AUTS2: variants seen among roughly 807,000 people sequenced by gnomAD.
AUTS2 encodes autism susceptibility gene 2 protein.
AUTS2 carries 17 observed loss-of-function variants against 112.4 expected under a neutral mutation model. That is an observed-to-expected ratio of 0.15 (90% CI 0.10 to 0.23). AUTS2 has a LOEUF of 0.23. AUTS2 is among the 10% of genes least tolerant of loss of function. AUTS2 has a pLI of 1.00. For synonymous variants in AUTS2, 751 were observed against 702.7 expected, an observed-to-expected ratio of 1.07 and a Z score of -1.09; for missense variants, 1,510 against 1,701.6, an observed-to-expected ratio of 0.89 and a Z score of 1.98.
rs553286768 is a variant in AUTS2 at position 70,787,898 on chromosome 7, G to A, written c.2531+467G>A. On this transcript the variant is annotated intron_variant, in intron 18 of 18. Coordinates refer to ENST00000342771, the MANE Select transcript of AUTS2 (RefSeq NM_015570.4). ...CCTCATCATATTTTTCTCAAATTTTGTTCAAACTCAAAGCCTGGGGCTCAC... is the reference window on the plus strand; with the variant it reads ...CCTCATCATATTTTTCTCAAATTTTATTCAAACTCAAAGCCTGGGGCTCAC... Among the ~76,000 whole-genome samples the A allele has an allele frequency of 2.1e-4, 32 of 151,896 alleles. 1 individual carries two copies. The highest frequency in any genetic ancestry group is 7.7e-4 in the African/African-American group (32 of 41,418).
chr7:70,042,896 G>T (rs1410281724), intron 2 of AUTS2, among the ~76,000 whole-genome samples: 7 of 151,942 alleles, frequency 4.6e-5, no homozygotes, highest in Non-Finnish European at 1.0e-4. Context: ...CCAGTATTTT[G>T]CTTGGAGACA....
At chr7:69,636,909 G>A (rs1794569329) in intron 1 of AUTS2, among the ~76,000 whole-genome samples, 1 of 152,086 alleles carries the variant, frequency 6.6e-6, no homozygotes, top group Non-Finnish European at 1.5e-5. Context: ...GGGACTACAG[G>A]CGCCTGCCAC....
At chr7:70,576,718 T>C (rs1802185881) in intron 5 of AUTS2, among the ~76,000 whole-genome samples, 1 of 152,230 alleles carries the variant, frequency 6.6e-6, no homozygotes, top group African/African-American at 2.4e-5. Flanking sequence ...GTCCTTTTTC[T>C]CTAGATTGGC....
chr7:70,203,451 CT>C (rs1265643046), intron 4 of AUTS2, among the ~76,000 whole-genome samples: 1 of 149,200 alleles, frequency 6.7e-6, no homozygotes, highest in African/African-American at 2.5e-5. Context: ...GGAAAATAAG[CT>C]TAAAATTTTG....
intron 1 of AUTS2, among the ~76,000 whole-genome samples, chr7:69,819,484 G>C (rs1716503069): frequency 6.6e-6 from 1 of 152,166 alleles, no homozygotes; most frequent in Admixed American, 6.5e-5. Flanking sequence ...TGATGGTGTT[G>C]CTTAATTACT....
chr7:70,067,433 C>T (rs17141176), intron 2 of AUTS2, among the ~76,000 whole-genome samples: 1,760 of 152,276 alleles, frequency 0.012, 13 homozygotes, highest in Non-Finnish European at 0.02. Flanking sequence ...GTGAGACTGT[C>T]ACTTTTATAC....
chr7:69,853,903 C>G (rs556773658), intron 1 of AUTS2, among the ~76,000 whole-genome samples: 1 of 152,144 alleles, frequency 6.6e-6, no homozygotes, highest in African/African-American at 2.4e-5. Flanking sequence ...AAAAAGGATT[C>G]AACATTTAAA....
At chr7:70,039,599 T>G (rs1211848824) in intron 2 of AUTS2, among the ~76,000 whole-genome samples, 1 of 152,166 alleles carries the variant, frequency 6.6e-6, no homozygotes, top group East Asian at 1.9e-4. Flanking sequence ...GATCCCTGCC[T>G]TGGCCTTCCA....
chr7:70,444,373 T>TGTGTGTGTGTGTGAGAGAGAGA (rs372696006), intron 5 of AUTS2, among the ~76,000 whole-genome samples: 3 of 142,440 alleles, frequency 2.1e-5, no homozygotes, highest in Admixed American at 2.1e-4. Flanking sequence ...TGTGTGTGTG[T>TGTGTGTGTGTGTGAGAGAGAGA]GAGAGAGAGA....
At chr7:70,080,805 A>G (rs898813571) in intron 2 of AUTS2, among the ~76,000 whole-genome samples, 1 of 152,218 alleles carries the variant, frequency 6.6e-6, no homozygotes, top group Admixed American at 6.5e-5. Flanking sequence ...TGGAATATGA[A>G]GTCAGGATTT....
intron 2 of AUTS2, among the ~76,000 whole-genome samples, chr7:69,920,077 C>T (rs949939421): frequency 2.0e-4 from 1 of 4,936 alleles, no homozygotes; most frequent in Non-Finnish European, 3.8e-4. Context: ...TTGGGGTGGG[C>T]GGGGGTGGGC....
At chr7:70,313,129 T>G (rs1010358315) in intron 4 of AUTS2, among the ~76,000 whole-genome samples, 1 of 152,156 alleles carries the variant, frequency 6.6e-6, no homozygotes, top group Non-Finnish European at 1.5e-5. Flanking sequence ...TCCTCAGAAT[T>G]AGTCATACAA....
intron 4 of AUTS2, among the ~76,000 whole-genome samples, chr7:70,264,619 A>AT (rs1415970483): frequency 1.3e-5 from 2 of 152,036 alleles, no homozygotes; most frequent in African/African-American, 4.8e-5. Context: ...CTTTGTATTA[A>AT]TTTTTTGGCT....
intron 5 of AUTS2, among the ~76,000 whole-genome samples, chr7:70,624,136 T>A (rs913359477): frequency 7.2e-5 from 11 of 152,252 alleles, no homozygotes; most frequent in Admixed American, 1.3e-4. Flanking sequence ...AAAATCAATA[T>A]GAAGATAAAC....
At chr7:69,678,389 G>T (rs567251932) in intron 1 of AUTS2, among the ~76,000 whole-genome samples, 54 of 152,246 alleles carry the variant, frequency 3.5e-4, no homozygotes, top group Non-Finnish European at 6.8e-4. Context: ...GATGGGACCA[G>T]CGTGTGTAAA....
chr7:69,974,237 A>G (rs867630949), intron 2 of AUTS2, among the ~76,000 whole-genome samples: 19 of 151,066 alleles, frequency 1.3e-4, no homozygotes, highest in South Asian at 8.5e-4. Context: ...AGTATTCTTT[A>G]TTGACTTCTT....
intron 3 of AUTS2, among the ~76,000 whole-genome samples, chr7:70,128,622 G>T (rs1806103955): frequency 1.3e-5 from 2 of 152,182 alleles, no homozygotes; most frequent in South Asian, 2.1e-4. Context: ...GGCTTGTGTG[G>T]CTACAGTAGA....
intron 5 of AUTS2, among the ~76,000 whole-genome samples, chr7:70,599,756 C>T (rs1803378390): frequency 6.6e-6 from 1 of 152,192 alleles, no homozygotes; most frequent in Admixed American, 6.5e-5. Context: ...ACAGTCATCA[C>T]TCACAACACG....
chr7:70,597,620 G>A (rs1249835204), intron 5 of AUTS2, among the ~76,000 whole-genome samples: 1 of 152,310 alleles, frequency 6.6e-6, no homozygotes. Context: ...TTACTATTAT[G>A]TTCTCAAGAA....
Sources: allele counts gnomAD v4.1 joint callset (sites outside exome capture counted in the v4.1 genomes callset), GRCh38; gene constraint gnomAD v4.1.1; transcripts MANE v1.5; gene names NCBI Gene and HGNC (gene_info 2026-07-23, HGNC 2026-07-21).